Variants in ZBTB20 observed in about 807,000 individuals in gnomAD.
ZBTB20 encodes zinc finger and BTB domain-containing protein 20.
A neutral mutation model predicts 56.9 loss-of-function variants in ZBTB20; 9 were observed. That is an observed-to-expected ratio of 0.16 (90% CI 0.10 to 0.28). The LOEUF is 0.28. Ranked by LOEUF, ZBTB20 falls within the 10% of genes least tolerant of loss-of-function variation. The pLI is 1.00. For synonymous variants in ZBTB20, 417 were observed against 420.7 expected, an observed-to-expected ratio of 0.99 and a Z score of 0.11; for missense variants, 655 against 1,003.0, an observed-to-expected ratio of 0.65 and a Z score of 4.69.
chr3:114,790,843 C>T (rs1421492489), intron 5 of ZBTB20, among the ~76,000 whole-genome samples: 4 of 151,346 alleles, frequency 2.6e-5, no homozygotes. Flanking sequence ...TTTAAAGCAA[C>T]TATTTAAAAG....
chr3:114,600,740 C>G (rs1423747594), intron 6 of ZBTB20, among the ~76,000 whole-genome samples: 1 of 151,956 alleles, frequency 6.6e-6, no homozygotes, highest in Admixed American at 6.6e-5. Context: ...TAAAATGAAA[C>G]TTTAAATAGT....
At chr3:114,934,191 G>C (rs956711975) in intron 3 of ZBTB20, among the ~76,000 whole-genome samples, 1 of 152,120 alleles carries the variant, frequency 6.6e-6, no homozygotes, top group Non-Finnish European at 1.5e-5. Context: ...ACCAAGCATT[G>C]TTCCTACTGC....
intron 6 of ZBTB20, among the ~76,000 whole-genome samples, chr3:114,615,919 G>T (rs2057905539): frequency 6.6e-6 from 1 of 152,238 alleles, no homozygotes; most frequent in Non-Finnish European, 1.5e-5. Flanking sequence ...TGAAATTACA[G>T]CCTTCTGATA....
chr3:114,748,322 C>G (rs1372455923), intron 5 of ZBTB20, among the ~76,000 whole-genome samples: 1 of 114,138 alleles, frequency 8.8e-6, no homozygotes, highest in Non-Finnish European at 1.9e-5. Context: ...TTCTTTCTTT[C>G]TTTCTTTCTT....
At chr3:115,104,171 A>G (rs929476601) in intron 1 of ZBTB20, among the ~76,000 whole-genome samples, 2 of 152,212 alleles carry the variant, frequency 1.3e-5, no homozygotes, top group Admixed American at 1.3e-4. Flanking sequence ...ATGTAATAGA[A>G]TGGCCCAAAC....
At chr3:115,090,144 C>A (rs906422478) in intron 1 of ZBTB20, among the ~76,000 whole-genome samples, 2 of 151,704 alleles carry the variant, frequency 1.3e-5, no homozygotes, top group Non-Finnish European at 3.0e-5. Flanking sequence ...ATTTTAAAAG[C>A]CCTTGGCTGA....
At chr3:114,409,588 T>C (rs1036181841) in intron 7 of ZBTB20, among the ~76,000 whole-genome samples, 6 of 152,138 alleles carry the variant, frequency 3.9e-5, no homozygotes, top group South Asian at 2.1e-4. Flanking sequence ...CCGTAGACAG[T>C]TGATATAGCA....
At position 114,655,691 on chromosome 3, in the gene ZBTB20, T is replaced by C. The variant is rs542141633; in HGVS notation, c.-295+37837A>G. Among the ~76,000 whole-genome samples the C allele has an allele frequency of 1.2e-4, 18 of 152,344 alleles. No individual in the cohort carries two copies. The South Asian group carries it at 3.5e-3, about 30-fold the overall frequency. Reference sequence around the variant, plus strand: ...AATATGCCTCTTTAATTATCACTGTTTACACAGAGTTAATATTTTACCACT... The same window carrying C: ...AATATGCCTCTTTAATTATCACTGTCTACACAGAGTTAATATTTTACCACT... On this transcript the variant is annotated intron_variant, in intron 6 of 11. Transcript: ENST00000675478.
intron 5 of ZBTB20, among the ~76,000 whole-genome samples, chr3:114,726,621 CAGTG>C (rs1202844236): frequency 1.3e-5 from 2 of 152,088 alleles, no homozygotes; most frequent in Non-Finnish European, 2.9e-5. Flanking sequence ...CTTTAGAAGA[CAGTG>C]AGATAGGCCG....
At chr3:114,460,062 A>G (rs2092254182) in intron 7 of ZBTB20, among the ~76,000 whole-genome samples, 1 of 152,058 alleles carries the variant, frequency 6.6e-6, no homozygotes, top group African/African-American at 2.4e-5. Context: ...AGGTAAAAAA[A>G]CTTGGTAGAA....
intron 7 of ZBTB20, among the ~76,000 whole-genome samples, chr3:114,407,571 G>C (rs931327845): frequency 6.6e-6 from 1 of 152,152 alleles, no homozygotes; most frequent in African/African-American, 2.4e-5. Flanking sequence ...GAGAGTCTTG[G>C]TAACTGACTT....
intron 1 of ZBTB20, among the ~76,000 whole-genome samples, chr3:115,121,832 C>T (rs2084189345): frequency 6.6e-6 from 1 of 151,890 alleles, no homozygotes; most frequent in Admixed American, 6.6e-5. Context: ...TCAATATAAC[C>T]AAGTCTTAGT....
At chr3:114,628,377 A>G (rs2058756807) in intron 6 of ZBTB20, among the ~76,000 whole-genome samples, 1 of 152,306 alleles carries the variant, frequency 6.6e-6, no homozygotes, top group East Asian at 1.9e-4. Context: ...GGAGGAAGCC[A>G]GCCATCCAAA....
At chr3:114,815,279 T>G (rs1396728425) in intron 4 of ZBTB20, among the ~76,000 whole-genome samples, 1 of 152,210 alleles carries the variant, frequency 6.6e-6, no homozygotes, top group African/African-American at 2.4e-5. Flanking sequence ...CATAACACAT[T>G]TTTACATTAA....
At chr3:114,525,862 A>T (rs970510138) in intron 6 of ZBTB20, among the ~76,000 whole-genome samples, 1 of 152,188 alleles carries the variant, frequency 6.6e-6, no homozygotes, top group African/African-American at 2.4e-5. Flanking sequence ...TTCCTGCTCT[A>T]TGATACTGTC....
chr3:114,338,941 T>G lies in ZBTB20; in HGVS notation c.*64A>C. ...TTTCTTAAATTCTAGTGCCATAGCT[T>G]TTTTGTTTGTTTGTTTTTTGTTGTT... On this transcript the variant is annotated 3_prime_UTR_variant, in exon 12 of 12. Coordinates refer to ENST00000675478, the MANE Select transcript of ZBTB20 (RefSeq NM_001348800.3). 3 of 1,432,744 alleles carry G rather than the reference T, an allele frequency of 2.1e-6. No homozygotes were observed. The highest frequency in any genetic ancestry group is 2.8e-6 in the Non-Finnish European group (3 of 1,079,992). 88.8% of individuals were successfully genotyped at this position (1,432,744 alleles called of 1,614,324 possible). A position where few individuals can be genotyped will look rare whatever the true frequency, so the allele number is the denominator to read the frequency against.
At position 114,328,718 on chromosome 3, in the gene ZBTB20, T is replaced by C. The variant is rs955957145; in HGVS notation, c.*10287A>G. 6.6e-6 allele frequency: 1 copy of C among 152,184 alleles called. No homozygotes were observed. Among genetic ancestry groups the C allele is most frequent in the Non-Finnish European group, 1.5e-5 (1 of 68,028 alleles). The allele number at this position is 152,184 out of a possible 1,614,324, so 9.4% of individuals were successfully genotyped here. A position where few individuals can be genotyped will look rare whatever the true frequency, so the allele number is the denominator to read the frequency against. ...AAGTTTATGAACTCACTCACTTTAG[T>C]GTTCTTTCATTAAATAAAACTTAAA... On this transcript the variant is annotated 3_prime_UTR_variant, in exon 12 of 12. Coordinates refer to ENST00000675478, the MANE Select transcript of ZBTB20 (RefSeq NM_001348800.3).
At chr3:115,088,256 G>A (rs142917760) in intron 1 of ZBTB20, among the ~76,000 whole-genome samples, 1 of 151,764 alleles carries the variant, frequency 6.6e-6, no homozygotes, top group East Asian at 1.9e-4. Context: ...CTTCACTTTG[G>A]GTTTTCATTC....
At chr3:115,007,345 T>TA (rs769172291) in intron 2 of ZBTB20, among the ~76,000 whole-genome samples, 5 of 151,318 alleles carry the variant, frequency 3.3e-5, no homozygotes, top group Admixed American at 6.6e-5. Context: ...TTTTCTGAAA[T>TA]AAAAAAAAGA....
Sources: allele counts gnomAD v4.1 joint callset (sites outside exome capture counted in the v4.1 genomes callset), GRCh38; gene constraint gnomAD v4.1.1; transcripts MANE v1.5; gene names NCBI Gene and HGNC (gene_info 2026-07-23, HGNC 2026-07-21).